Variants in SELPLG observed in about 807,000 individuals in gnomAD.
SELPLG encodes selectin P ligand.
In SELPLG, 2 loss-of-function variants were observed where a neutral mutation model predicts 1.1. The observed-to-expected ratio is 1.82, with a 90% confidence interval of 0.74 to 5.71. The LOEUF is 5.71. Among genes scored for constraint, SELPLG ranks in the 30% most tolerant of loss-of-function variants. The pLI is 0.05. For synonymous variants in SELPLG, 230 were observed against 221.2 expected (o/e 1.04, Z -0.35); for missense variants, 478 against 524.7 (o/e 0.91, Z 0.87).
chr12:108,623,005 A>C lies in SELPLG; in HGVS notation c.*64T>G. 1 of 1,416,228 alleles carries C rather than the reference A, an allele frequency of 7.1e-7. No individual in the cohort carries two copies. Among genetic ancestry groups the C allele is most frequent in the Non-Finnish European group, 9.3e-7 (1 of 1,070,126 alleles). 87.7% of individuals were successfully genotyped at this position (1,416,228 alleles called of 1,614,324 possible). A position where few individuals can be genotyped will look rare whatever the true frequency, so the allele number is the denominator to read the frequency against. ...CAGAGCTGTGGAATGGGGTCTGGGCACTCAGGGGTGGCCCAGGAGAGCCCG... is the reference window on the plus strand; with the variant it reads ...CAGAGCTGTGGAATGGGGTCTGGGCCCTCAGGGGTGGCCCAGGAGAGCCCG... On this transcript the variant is annotated 3_prime_UTR_variant, in exon 2 of 2. Transcript: ENST00000550948.
rs779200540 is a variant in SELPLG at position 108,624,193 on chromosome 12, C to T, written c.115G>A (p.Asp39Asn). The T allele has an allele frequency of 2.5e-6, 4 of 1,614,076 alleles. No individual in the cohort carries two copies. Among genetic ancestry groups the T allele is most frequent in the African/African-American group, 1.3e-5 (1 of 74,908 alleles). The change falls in exon 2 of 2, where the codon GAC becomes AAC. Residue 39 changes from aspartate to asparagine, a missense_variant. Physicochemically the swap from Asp to Asn is conservative, Grantham distance 23. Coordinates refer to ENST00000550948, the MANE Select transcript of SELPLG (RefSeq NM_003006.4). ...EKALGPLLAR[D>N]RRQATEYEYL... Reference sequence around the variant, plus strand: ...TCATATTCGGTGGCCTGTCTCCGGTCCCGGGCAAGCAGGGGACCCAAGGCT... The same window carrying T: ...TCATATTCGGTGGCCTGTCTCCGGTTCCGGGCAAGCAGGGGACCCAAGGCT...
chr12:108,623,755 G>C lies in SELPLG; in HGVS notation c.553C>G (p.Gln185Glu), dbSNP rs2136761183. The stretch of plus-strand genomic sequence containing the variant: ...GTCTGTGCCTCCAGGCCTGTGGGTT[G>C]AGTGGTCTGTGCTTCCGTGGCTGCT... ...PPAATEAQTT[Q>E]PTGLEAQTTA... Residue 185 changes from glutamine to glutamate, a missense_variant, in exon 2 of 2, where the codon CAA (glutamine) becomes GAA (glutamate). By Grantham distance (29) the Gln-to-Glu change is conservative. Coordinates refer to ENST00000550948, the MANE Select transcript of SELPLG (RefSeq NM_003006.4). 1 of 1,611,412 alleles carries C rather than the reference G, an allele frequency of 6.2e-7. No homozygotes were observed. The highest frequency in any genetic ancestry group is 8.5e-7 in the Non-Finnish European group (1 of 1,179,406).
chr12:108,626,348 T>A (rs905785135), intron 1 of SELPLG, among the ~76,000 whole-genome samples: 1 of 152,208 alleles, frequency 6.6e-6, no homozygotes, highest in Non-Finnish European at 1.5e-5. Context: ...TTGGTCAGGC[T>A]GGTCTCAAAC....
At position 108,623,592 on chromosome 12, in the gene SELPLG, G is replaced by A. The variant is rs569790071; in HGVS notation, c.716C>T (p.Thr239Met). The A allele has an allele frequency of 3.0e-5, 48 of 1,611,694 alleles. No homozygotes were observed. The highest frequency in any genetic ancestry group is 8.1e-5 in the African/African-American group (6 of 74,282). The stretch of plus-strand genomic sequence containing the variant: ...TGTGGGTTGAGTGGTCTGTGCCTCC[G>A]TGGCTTCTGGTGCAGTGGTCTGTGC... ...MEAQTTAPEA[T>M]EAQTTQPTAT... Residue 239 changes from threonine to methionine, a missense_variant, in exon 2 of 2, where the codon ACG becomes ATG. Thr to Met is a moderately conservative substitution (Grantham distance 81). Coordinates refer to ENST00000550948, the MANE Select transcript of SELPLG (RefSeq NM_003006.4).
Position 108,623,454 on chromosome 12 carries a change from G to C in SELPLG, c.854C>G (p.Pro285Arg). The C allele has an allele frequency of 1.2e-6, 2 of 1,614,228 alleles. No individual in the cohort carries two copies. Among genetic ancestry groups the C allele is most frequent in the Non-Finnish European group, 1.7e-6 (2 of 1,180,036 alleles). ...GTGAGTAACAGAGGACACAGAAAAGGGTATGAACAGACCTCTTTTGGTAGT... is the reference window on the plus strand; with the variant it reads ...GTGAGTAACAGAGGACACAGAAAAGCGTATGAACAGACCTCTTTTGGTAGT... ...EPTTKRGLFI[P>R]FSVSSVTHKG... Residue 285 changes from proline to arginine, a missense_variant, in exon 2 of 2, where the codon CCC becomes CGC. Transcript: ENST00000550948.
chr12:108,623,609 G>T lies in SELPLG; in HGVS notation c.699C>A (p.Thr233=), dbSNP rs765204971. The change falls in exon 2 of 2, where the codon ACC becomes ACA. Residue 233 remains threonine, a synonymous_variant. Transcript: ENST00000550948. ...TTQTTAMEAQ[T]TAPEATEAQT... The stretch of plus-strand genomic sequence containing the variant: ...GTGCCTCCGTGGCTTCTGGTGCAGT[G>T]GTCTGTGCCTCCATGGCTGTGGTTT... 7 of 1,612,038 alleles carry T rather than the reference G, an allele frequency of 4.3e-6. No homozygotes were observed. The highest frequency in any genetic ancestry group is 5.1e-6 in the Non-Finnish European group (6 of 1,179,434).
chr12:108,633,404 G>A (rs533143895), intron 1 of SELPLG, among the ~76,000 whole-genome samples: 1 of 152,184 alleles, frequency 6.6e-6, no homozygotes, highest in Non-Finnish European at 1.5e-5. Context: ...AGGAGGCTGA[G>A]GTGGGAGGAT....
chr12:108,623,144 C>T lies in SELPLG; in HGVS notation c.1164G>A (p.Lys388=). 1 of 1,607,600 alleles carries T rather than the reference C, an allele frequency of 6.2e-7. No individual in the cohort carries two copies. The highest frequency in any genetic ancestry group is 8.5e-7 in the Non-Finnish European group (1 of 1,176,926). Residue 388 remains lysine, a synonymous_variant, in exon 2 of 2, where the codon AAG becomes AAA. Coordinates refer to ENST00000550948, the MANE Select transcript of SELPLG (RefSeq NM_003006.4). ...TGGGCTCTGGCGTCAGGCCCGGGCT[C>T]TTGGCCTTGGACAGGCCCCCATTGG... is the stretch of plus-strand genomic sequence containing the variant. The part of the protein sequence containing the change: ...ATANGGLSKA[K]SPGLTPEPRE...
At chr12:108,633,100 G>T (rs1482585464) in intron 1 of SELPLG, among the ~76,000 whole-genome samples, 2 of 152,126 alleles carry the variant, frequency 1.3e-5, no homozygotes, top group African/African-American at 4.8e-5. Flanking sequence ...TCCCATCCAG[G>T]AAAGGAGAGG....
rs143398240 is a variant in SELPLG, at chr12:108,623,303, G to A, written c.1005C>T (p.Phe335=). 211 of 1,614,238 alleles carry A rather than the reference G, an allele frequency of 1.3e-4. No homozygotes were observed. In the African/African-American group the frequency reaches 2.3e-3, roughly 18 times the overall value. ...GGACCGCCAGCACCACAGTGCACAC[G>A]AAGAAGATAGTGGCCACCAGCGCCA... is the stretch of plus-strand genomic sequence containing the variant. ...LILALVATIF[F]VCTVVLAVRL... is the part of the protein sequence containing the mutation. Residue 335 remains phenylalanine, a synonymous_variant, in exon 2 of 2, where the codon TTC becomes TTT. Coordinates refer to ENST00000550948, the MANE Select transcript of SELPLG (RefSeq NM_003006.4).
chr12:108,628,974 G>C (rs1247512195), intron 1 of SELPLG, among the ~76,000 whole-genome samples: 1 of 152,242 alleles, frequency 6.6e-6, no homozygotes, highest in Non-Finnish European at 1.5e-5. Flanking sequence ...AATTGAATGA[G>C]TGTATGGAAG....
In SELPLG at chr12:108,623,582, C is replaced by T. The variant is rs1214803729; in HGVS notation, c.726G>A (p.Gln242=). The T allele has an allele frequency of 6.2e-7, 1 of 1,613,356 alleles. No homozygotes were observed. The highest frequency in any genetic ancestry group is 2.2e-5 in the East Asian group (1 of 44,810). The change falls in exon 2 of 2, where the codon CAG becomes CAA. Residue 242 remains glutamine, a synonymous_variant. Transcript: ENST00000550948. The part of the protein sequence containing the change: ...QTTAPEATEA[Q]TTQPTATEAQ... ...CCTCCGTGGCTGTGGGTTGAGTGGT[C>T]TGTGCCTCCGTGGCTTCTGGTGCAG...
In SELPLG at chr12:108,622,922, T is replaced by A; in HGVS notation, c.*147A>T. On this transcript the variant is annotated 3_prime_UTR_variant, in exon 2 of 2. Coordinates refer to ENST00000550948, the MANE Select transcript of SELPLG (RefSeq NM_003006.4). ...GGCCCCAGGCTGCTCTTGTCCTGTTTGGGTGGCCAGAGTTCCTTCCCTGAA... is the reference window on the plus strand; with the variant it reads ...GGCCCCAGGCTGCTCTTGTCCTGTTAGGGTGGCCAGAGTTCCTTCCCTGAA... 6.2e-6 allele frequency: 5 copies of A among 804,364 alleles called. No individual in the cohort carries two copies. The South Asian group carries it at 1.2e-4, about 19-fold the overall frequency. The allele number at this position is 804,364 out of a possible 1,614,324, so 49.8% of individuals were successfully genotyped here. A position where few individuals can be genotyped will look rare whatever the true frequency, so the allele number is the denominator to read the frequency against.
chr12:108,629,577 G>C (rs1019043927), intron 1 of SELPLG, among the ~76,000 whole-genome samples: 1 of 152,170 alleles, frequency 6.6e-6, no homozygotes, highest in Non-Finnish European at 1.5e-5. Flanking sequence ...AGGTATGCTG[G>C]TGATGCCTGT....
rs758911914 is a variant in SELPLG at position 108,623,850 on chromosome 12, G to A, written c.458C>T (p.Thr153Ile). Residue 153 changes from threonine to isoleucine, a missense_variant, in exon 2 of 2, where the codon ACA (threonine) becomes ATA (isoleucine). By Grantham distance (89) the Thr-to-Ile change is moderately conservative. Coordinates refer to ENST00000550948, the MANE Select transcript of SELPLG (RefSeq NM_003006.4). The part of the protein sequence containing the change: ...TTPLAATEAQ[T>I]TRLTATEAQT... ...TGCCTCCGTGGCCGTCAGTCGAGTT[G>A]TCTGTGCCTCTGTGGCTGCCAGTGG... The A allele has an allele frequency of 6.3e-7, 1 of 1,582,968 alleles. No individual in the cohort carries two copies. The highest frequency in any genetic ancestry group is 8.6e-7 in the Non-Finnish European group (1 of 1,162,800).
intron 1 of SELPLG, among the ~76,000 whole-genome samples, chr12:108,624,756 C>T (rs1376983165): frequency 2.1e-5 from 3 of 144,710 alleles, no homozygotes; most frequent in African/African-American, 7.8e-5. Context: ...GTGGCGCTAT[C>T]TCAGCTCACT....
Position 108,624,155 on chromosome 12 carries a change from A to G in SELPLG, c.153T>C (p.Tyr51=). 15 of 1,614,206 alleles carry G rather than the reference A, an allele frequency of 9.3e-6. No homozygotes were observed. The highest frequency in any genetic ancestry group is 1.3e-5 in the Non-Finnish European group (15 of 1,180,032). The part of the protein sequence containing the change: ...RQATEYEYLD[Y]DFLPETEPPE... ...GAGGCTCCGTTTCTGGCAGGAAATC[A>G]TAATCTAGGTACTCATATTCGGTGG... is the stretch of plus-strand genomic sequence containing the variant. The change falls in exon 2 of 2, where the codon TAT becomes TAC. Residue 51 remains tyrosine (Y), a synonymous_variant. Coordinates refer to ENST00000550948, the MANE Select transcript of SELPLG (RefSeq NM_003006.4).
At position 108,623,838 on chromosome 12, in the gene SELPLG, G is replaced by GTCAGTCGAGTTGTCTGTGCC. The variant is rs770177416; in HGVS notation, c.450_469dup (p.Thr157ArgfsTer7). The GTCAGTCGAGTTGTCTGTGCC allele has an allele frequency of 6.3e-7, 1 of 1,585,782 alleles. No individual in the cohort carries two copies. Among genetic ancestry groups the GTCAGTCGAGTTGTCTGTGCC allele is most frequent in the Non-Finnish European group, 8.6e-7 (1 of 1,165,660 alleles). On this transcript the variant is annotated stop_gained and frameshift_variant, in exon 2 of 2. Coordinates refer to ENST00000550948, the MANE Select transcript of SELPLG (RefSeq NM_003006.4). LOFTEE classifies it low-confidence loss of function (END_TRUNC). ...TGGAGTGGTCTGTGCCTCCGTGGCC[G>GTCAGTCGAGTTGTCTGTGCC]TCAGTCGAGTTGTCTGTGCCTCTGT... is the stretch of plus-strand genomic sequence containing the variant.
chr12:108,624,380 A>G, intron 1 of SELPLG, 68 bp from the exon 2 acceptor site: 1 of 1,428,932 alleles, frequency 7.0e-7, no homozygotes, highest in South Asian at 1.3e-5. Flanking sequence ...AGCACCCTAG[A>G]CCACCACCCT....
Sources: allele counts gnomAD v4.1 joint callset (sites outside exome capture counted in the v4.1 genomes callset), GRCh38; gene constraint gnomAD v4.1.1; transcripts MANE v1.5; gene names NCBI Gene and HGNC (gene_info 2026-07-23, HGNC 2026-07-21).